PCED1B: variants seen among roughly 807,000 people sequenced by gnomAD.
The protein encoded by PCED1B is PC-esterase domain containing 1B.
For missense variants in PCED1B, 573 were observed against 573.9 expected (o/e 1.00, Z 0.02); for synonymous variants, 251 against 246.1 (o/e 1.02, Z -0.19).
chr12:47,137,294 A>C (rs1045509587), intron 2 of PCED1B, among the ~76,000 whole-genome samples: 1 of 152,204 alleles, frequency 6.6e-6, no homozygotes, highest in Admixed American at 6.5e-5. Context: ...TTCTTATTTG[A>C]TCATGTCCAA....
intron 2 of PCED1B, among the ~76,000 whole-genome samples, chr12:47,175,012 T>C (rs1053111809): frequency 1.3e-5 from 2 of 152,224 alleles, no homozygotes; most frequent in African/African-American, 4.8e-5. Context: ...ATGTATAACA[T>C]GTAATAACTA....
intron 3 of PCED1B, among the ~76,000 whole-genome samples, chr12:47,225,089 GC>G (rs1361398393): frequency 2.0e-5 from 3 of 152,112 alleles, no homozygotes; most frequent in Admixed American, 1.3e-4. Flanking sequence ...GTGCCACCAT[GC>G]CCAGCTGATT....
chr12:47,090,257 A>G (rs1384257849), intron 1 of PCED1B, among the ~76,000 whole-genome samples: 1 of 152,214 alleles, frequency 6.6e-6, no homozygotes, highest in Non-Finnish European at 1.5e-5. Flanking sequence ...TGGACAACGA[A>G]CAGAGAACTC....
chr12:47,217,470 G>GAAAAAGAAAGAAAAAGA (rs1555155044), intron 3 of PCED1B, among the ~76,000 whole-genome samples: 1,016 of 90,838 alleles, frequency 0.011, 40 homozygotes, highest in Middle Eastern at 0.038. Flanking sequence ...AAGAAAGAAA[G>GAAAAAGAAAGAAAAAGA]AGAAAGAAAG....
chr12:47,190,283 C>G (rs1346258413), intron 2 of PCED1B, among the ~76,000 whole-genome samples: 1 of 152,172 alleles, frequency 6.6e-6, no homozygotes, highest in Non-Finnish European at 1.5e-5. Context: ...CAAGTGAAAG[C>G]CTGCCCCATT....
In PCED1B at chr12:47,202,971, T is replaced by C. The variant is rs951835663; in HGVS notation, c.-525-13251T>C. Among the ~76,000 whole-genome samples the C allele has an allele frequency of 7.8e-5, 11 of 140,974 alleles. No individual in the cohort carries two copies. In the South Asian group the frequency reaches 2.0e-3, roughly 25 times the overall value. 92.5% of individuals were successfully genotyped at this position (140,974 alleles called of 152,430 possible). On this transcript the variant is annotated intron_variant, in intron 2 of 3. Coordinates refer to ENST00000546455, the MANE Select transcript of PCED1B (RefSeq NM_138371.3). ...GGTAAAGAATTACTTCTCTTTTCTT[T>C]CTTTTTTTTTTTTTTCCTGAGACAG...
In PCED1B at chr12:47,137,923, C is replaced by T. The variant is rs151277836; in HGVS notation, c.-526+33728C>T. ...GGATTTGAAACTTTATTCAGAATAA[C>T]TTCTTGTCATTGAAAAGGACATTAT... On this transcript the variant is annotated intron_variant, in intron 2 of 3. Transcript: ENST00000546455. Among the ~76,000 whole-genome samples the T allele has an allele frequency of 2.6e-3, 391 of 152,220 alleles. 1 individual carries two copies. The highest frequency in any genetic ancestry group is 9.1e-3 in the African/African-American group (378 of 41,538).
rs770009860 is a variant in PCED1B, at chr12:47,236,292, C to A, written c.1229C>A (p.Thr410Lys). The change falls in exon 4 of 4, where the codon ACG (threonine) becomes AAG (lysine). Residue 410 changes from threonine (T) to lysine (K), a missense_variant. By Grantham distance (78) the Thr-to-Lys change is moderately conservative. Coordinates refer to ENST00000546455, the MANE Select transcript of PCED1B (RefSeq NM_138371.3). ...FGRYRPRGPY[T>K]PWGQRPRPSK... ...AGGTATCGTCCCCGTGGCCCCTATA[C>A]GCCCTGGGGACAGCGGCCTCGACCT... is the stretch of plus-strand genomic sequence containing the variant. 3 of 1,613,960 alleles carry A rather than the reference C, an allele frequency of 1.9e-6. No individual in the cohort carries two copies. The highest frequency in any genetic ancestry group is 3.3e-5 in the Admixed American group (2 of 59,996).
At chr12:47,177,842 G>A (rs1286764992) in intron 2 of PCED1B, among the ~76,000 whole-genome samples, 4 of 152,110 alleles carry the variant, frequency 2.6e-5, no homozygotes, top group Admixed American at 2.0e-4. Context: ...TACTACTCAG[G>A]AGGCTGGGGC....
chr12:47,193,983 C>T (rs1184097931), intron 2 of PCED1B, among the ~76,000 whole-genome samples: 1 of 152,202 alleles, frequency 6.6e-6, no homozygotes, highest in Non-Finnish European at 1.5e-5. Context: ...CCTCCCTTGG[C>T]TTTGAATAAA....
chr12:47,224,492 T>A (rs1298379796), intron 3 of PCED1B, among the ~76,000 whole-genome samples: 4 of 152,212 alleles, frequency 2.6e-5, no homozygotes, highest in African/African-American at 9.7e-5. Context: ...GAATTACAAA[T>A]TTCAGATTGT....
At chr12:47,217,512 GAAAGA>G (rs1356820948) in intron 3 of PCED1B, among the ~76,000 whole-genome samples, 1 of 130,432 alleles carries the variant, frequency 7.7e-6, no homozygotes, top group African/African-American at 3.5e-5. Flanking sequence ...AAGAAAGAAA[GAAAGA>G]AGAAAGAGAA....
chr12:47,173,048 T>C (rs1941802645), intron 2 of PCED1B, among the ~76,000 whole-genome samples: 1 of 151,992 alleles, frequency 6.6e-6, no homozygotes, highest in Non-Finnish European at 1.5e-5. Context: ...AAGAAGAAAC[T>C]CAAGATTTCC....
chr12:47,116,611 T>C (rs980182354), intron 2 of PCED1B, among the ~76,000 whole-genome samples: 1 of 152,214 alleles, frequency 6.6e-6, no homozygotes, highest in Non-Finnish European at 1.5e-5. Flanking sequence ...TTTTAATAGG[T>C]AGTTAGATCA....
chr12:47,111,677 G>T (rs1026530410), intron 2 of PCED1B, among the ~76,000 whole-genome samples: 10 of 152,114 alleles, frequency 6.6e-5, no homozygotes, highest in African/African-American at 2.2e-4. Flanking sequence ...AAGTGGAATT[G>T]TTCTGTGTTT....
At chr12:47,114,244 C>T (rs1310438083) in intron 2 of PCED1B, among the ~76,000 whole-genome samples, 2 of 152,132 alleles carry the variant, frequency 1.3e-5, no homozygotes, top group East Asian at 3.9e-4. Flanking sequence ...ATCTTCACAC[C>T]AAACCTGCAA....
At chr12:47,228,016 T>G (rs1012708184) in intron 3 of PCED1B, among the ~76,000 whole-genome samples, 3 of 150,028 alleles carry the variant, frequency 2.0e-5, no homozygotes, top group African/African-American at 7.4e-5. Flanking sequence ...GTTTTGGCTC[T>G]TCTTCTTTGT....
rs1555155818 is a variant in PCED1B at position 47,220,088 on chromosome 12, A to AAAG, written c.-58+3416_-58+3418dup. 2.7e-3 allele frequency among the ~76,000 whole-genome samples: 354 copies of AAAG among 133,112 alleles called. 8 individuals are homozygous for AAAG. The highest frequency in any genetic ancestry group is 3.7e-3 in the Middle Eastern group (1 of 270). 87.3% of individuals were successfully genotyped at this position (133,112 alleles called of 152,430 possible). ...TGCCTCAAAAAAAAAAAAAAAAAAA[A>AAAG]AAGAAGAAGAAGAAGAAGATACATT... is the stretch of plus-strand genomic sequence containing the variant. On this transcript the variant is annotated intron_variant, in intron 3 of 3. Coordinates refer to ENST00000546455, the MANE Select transcript of PCED1B (RefSeq NM_138371.3).
At chr12:47,198,446 C>G (rs1055142666) in intron 2 of PCED1B, among the ~76,000 whole-genome samples, 11 of 152,230 alleles carry the variant, frequency 7.2e-5, no homozygotes, top group African/African-American at 2.2e-4. Context: ...CACCTAACAT[C>G]ATGCTTAATC....
Sources: gnomAD v4.1 joint callset for allele counts (sites outside exome capture counted in the v4.1 genomes callset) on GRCh38, gnomAD v4.1.1 for gene constraint, MANE v1.5 for transcripts, NCBI Gene and HGNC (gene_info 2026-07-23, HGNC 2026-07-21) for gene names.